The following APOL4 variants were observed in gnomAD, a reference collection of about 807,000 sequenced individuals.
The protein encoded by APOL4 is apolipoprotein L, 4.
APOL4 carries 14 observed loss-of-function variants against 12.1 expected under a neutral mutation model. That is an observed-to-expected ratio of 1.16 (90% CI 0.76 to 1.81). The LOEUF (loss-of-function observed/expected upper bound fraction) is 1.81. APOL4 is among the 40% of genes most tolerant of loss of function. The pLI is 0.00. For synonymous variants in APOL4, 171 were observed against 160.6 expected (o/e 1.06, Z -0.49); for missense variants, 432 against 423.1 (o/e 1.02, Z -0.18).
intron 2 of APOL4, among the ~76,000 whole-genome samples, chr22:36,196,164 C>T (rs1569531253): frequency 6.6e-6 from 1 of 152,202 alleles, no homozygotes. Flanking sequence ...AAACACTTTA[C>T]ACCAGTGTCT....
At chr22:36,193,348 T>A (rs2014315847) in intron 3 of APOL4, among the ~76,000 whole-genome samples, 1 of 152,208 alleles carries the variant, frequency 6.6e-6, no homozygotes, top group African/African-American at 2.4e-5. Flanking sequence ...TGATTTAATG[T>A]GATTCATAGG....
upstream of APOL4, among the ~76,000 whole-genome samples, chr22:36,202,735 A>AAAAAAAAAAAAAG (rs2014621794): frequency 3.2e-5 from 2 of 63,480 alleles, no homozygotes; most frequent in African/African-American, 1.4e-4. Context: ...CAGAAAAAAG[A>AAAAAAAAAAAAAG]AAAAAAAAAA....
intron 2 of APOL4, among the ~76,000 whole-genome samples, chr22:36,196,312 A>T (rs1282789883): frequency 1.3e-5 from 2 of 152,230 alleles, no homozygotes; most frequent in East Asian, 3.8e-4. Context: ...TTTGTAAGAT[A>T]CTTGAAATAT....
At chr22:36,199,740 C>A in intron 1 of APOL4, 1 of 1,198,288 alleles carries the variant, frequency 8.3e-7, no homozygotes, top group Non-Finnish European at 1.2e-6. Flanking sequence ...TGTGTGACAA[C>A]TAATTGATGA....
At position 36,191,180 on chromosome 22, in the gene APOL4, C is replaced by T. The variant is rs1165454113; in HGVS notation, c.942G>A (p.Lys314=). 1 of 1,613,296 alleles carries T rather than the reference C, an allele frequency of 6.2e-7. No homozygotes were observed. The highest frequency in any genetic ancestry group is 8.5e-7 in the Non-Finnish European group (1 of 1,179,550). The change falls in exon 4 of 4, where the codon AAG becomes AAA. Residue 314 remains lysine, a synonymous_variant. Transcript: ENST00000683024. ...NLVQDSLDLH[K]GAKSESAESL... Reference sequence around the variant, plus strand: ...ACTCAGCAGACTCGGATTTTGCCCCCTTGTGCAAGTCCAGTGAGTCTTGCA... The same window carrying T: ...ACTCAGCAGACTCGGATTTTGCCCCTTTGTGCAAGTCCAGTGAGTCTTGCA...
intron 1 of APOL4, among the ~76,000 whole-genome samples, chr22:36,200,050 G>T (rs1255031366): frequency 6.6e-6 from 1 of 151,576 alleles, no homozygotes; most frequent in Admixed American, 6.6e-5. Context: ...CTCATGATCA[G>T]CCCGTCTCGG....
upstream of APOL4, chr22:36,202,198 C>T (rs1276854997): frequency 1.7e-6 from 2 of 1,143,284 alleles, no homozygotes; most frequent in East Asian, 2.5e-5. Flanking sequence ...CCTAGATCTG[C>T]TGGGCTCAAG....
At position 36,190,466 on chromosome 22, in the gene APOL4, G is replaced by A. The variant is rs940702730; in HGVS notation, c.*609C>T. On this transcript the variant is annotated 3_prime_UTR_variant, in exon 4 of 4. Coordinates refer to ENST00000683024, the MANE Select transcript of APOL4 (RefSeq NM_001386885.1). ...GCCTGGGAGCGCTATGGGAGACTGG[G>A]GTTTATTTCATCCCTACAGTCTCGA... 6 of 152,504 alleles carry A rather than the reference G, an allele frequency of 3.9e-5. No homozygotes were observed. Among genetic ancestry groups the A allele is most frequent in the African/African-American group, 1.4e-4 (6 of 41,412 alleles). The allele number at this position is 152,504 out of a possible 1,614,324, so 9.4% of individuals were successfully genotyped here.
upstream of APOL4, among the ~76,000 whole-genome samples, chr22:36,204,418 T>A (rs1452358726): frequency 1.3e-5 from 2 of 151,996 alleles, no homozygotes; most frequent in Non-Finnish European, 2.9e-5. Context: ...TTTCCCCACC[T>A]CTCTCTACGG....
intron 3 of APOL4, among the ~76,000 whole-genome samples, chr22:36,194,108 G>A (rs895839774): frequency 3.9e-5 from 6 of 152,154 alleles, no homozygotes; most frequent in Admixed American, 6.5e-5. Flanking sequence ...TTTGGTTGGG[G>A]ACTTGTGAGT....
chr22:36,197,830 C>A (rs1332738660), intron 2 of APOL4: 3 of 1,545,794 alleles, frequency 1.9e-6, no homozygotes, highest in Non-Finnish European at 2.6e-6. Context: ...GCCCAGAGGA[C>A]CCTGACAAAC....
rs2014203179 is a variant in APOL4, at chr22:36,190,122, C to T, written c.*953G>A. The T allele has an allele frequency of 6.6e-6, 1 of 152,238 alleles. No homozygotes were observed. Among genetic ancestry groups the T allele is most frequent in the African/African-American group, 2.4e-5 (1 of 41,448 alleles). The allele number at this position is 152,238 out of a possible 1,614,324, so 9.4% of individuals were successfully genotyped here. On this transcript the variant is annotated 3_prime_UTR_variant, in exon 4 of 4. Transcript: ENST00000683024. The stretch of plus-strand genomic sequence containing the variant: ...AAAGCTAGGTGTCCAGGGGAGACAT[C>T]ACACATCGGTAGGTTCCGTGATGCC...
intron 2 of APOL4, among the ~76,000 whole-genome samples, chr22:36,198,941 G>A (rs561861006): frequency 6.6e-6 from 1 of 152,314 alleles, no homozygotes; most frequent in East Asian, 1.9e-4. Flanking sequence ...AGAGGGAGGT[G>A]AGAGGTCAGG....
At position 36,190,502 on chromosome 22, in the gene APOL4, T is replaced by C. The variant is rs1013179423; in HGVS notation, c.*573A>G. On this transcript the variant is annotated 3_prime_UTR_variant, in exon 4 of 4. Coordinates refer to ENST00000683024, the MANE Select transcript of APOL4 (RefSeq NM_001386885.1). ...TCCCTACAGTCTCGACCATAGAAGA[T>C]GGCCACACCCAAGGAGGCCATTTAT... 2 of 154,292 alleles carry C rather than the reference T, an allele frequency of 1.3e-5. No individual in the cohort carries two copies. The highest frequency in any genetic ancestry group is 4.8e-5 in the African/African-American group (2 of 41,450). The allele number at this position is 154,292 out of a possible 1,614,324, so 9.6% of individuals were successfully genotyped here. A position where few individuals can be genotyped will look rare whatever the true frequency, so the allele number is the denominator to read the frequency against.
chr22:36,195,635 T>C (rs985918915), intron 2 of APOL4, among the ~76,000 whole-genome samples, 198 bp from the exon 3 acceptor site: 5 of 152,044 alleles, frequency 3.3e-5, no homozygotes, highest in Admixed American at 3.3e-4. Flanking sequence ...GTGACCGTAT[T>C]TGGAGATTGA....
chr22:36,195,431 T>C lies in APOL4; in HGVS notation c.89A>G (p.Lys30Arg), dbSNP rs1319866930. ...WTVAGQFQEKKRFTEEVIEYF... is the reference protein window; with the variant it reads ...WTVAGQFQEKRRFTEEVIEYF... ...TTCAATGACTTCTTCAGTGAAGCGT[T>C]TCTTTTCTAGTTGGAAACAAAAAGG... Residue 30 changes from lysine (K) to arginine (R), a missense_variant, in exon 3 of 4, where the codon AAA (lysine) becomes AGA (arginine). By Grantham distance (26) the Lys-to-Arg change is conservative (BLOSUM62 2). Transcript: ENST00000683024. 1.9e-6 allele frequency: 3 copies of C among 1,612,496 alleles called. No individual in the cohort carries two copies. The Admixed American group carries it at 5.0e-5, about 27-fold the overall frequency.
chr22:36,199,302 C>A, intron 2 of APOL4, 28 bp downstream of exon 2: 1 of 1,614,080 alleles, frequency 6.2e-7, no homozygotes, highest in Non-Finnish European at 8.5e-7. Context: ...GGCGAGCCTA[C>A]CAGCAGCCAG....
chr22:36,190,892 G>C lies in APOL4; in HGVS notation c.*183C>G. The stretch of plus-strand genomic sequence containing the variant: ...AGGGTATTGATTGGGGAAGTGATCA[G>C]TGTCCATGAAATCTTCACAATTTGT... On this transcript the variant is annotated 3_prime_UTR_variant, in exon 4 of 4. Transcript: ENST00000683024. 3.3e-6 allele frequency: 2 copies of C among 609,320 alleles called. No homozygotes were observed. The highest frequency in any genetic ancestry group is 6.0e-5 in the Admixed American group (2 of 33,534). 37.7% of individuals were successfully genotyped at this position (609,320 alleles called of 1,614,324 possible). A position where few individuals can be genotyped will look rare whatever the true frequency, so the allele number is the denominator to read the frequency against.
At position 36,201,762 on chromosome 22, in the gene APOL4, A is replaced by G. The variant is rs1301455248; in HGVS notation, c.-28T>C. 3 of 1,601,036 alleles carry G rather than the reference A, an allele frequency of 1.9e-6. No homozygotes were observed. Among genetic ancestry groups the G allele is most frequent in the Non-Finnish European group, 1.7e-6 (2 of 1,173,854 alleles). ...TCCTTGGTCATTGTTGGCCTGGCTC[A>G]GACGCTGATCTGGGGCCTCTGCTGA... On this transcript the variant is annotated 5_prime_UTR_variant, in exon 1 of 4. Coordinates refer to ENST00000683024, the MANE Select transcript of APOL4 (RefSeq NM_001386885.1).
Sources: gnomAD v4.1 joint callset for allele counts (sites outside exome capture counted in the v4.1 genomes callset) on GRCh38, gnomAD v4.1.1 for gene constraint, MANE v1.5 for transcripts, NCBI Gene and HGNC (gene_info 2026-07-23, HGNC 2026-07-21) for gene names.